Variants in STK11 observed in about 807,000 individuals in gnomAD.
The protein encoded by STK11 is serine/threonine-protein kinase STK11.
In STK11, 8 loss-of-function variants were observed where a neutral mutation model predicts 47.3. The ratio of observed to expected loss-of-function variants is 0.17; its 90% CI spans 0.10 to 0.31. The LOEUF is 0.31. Ranked by LOEUF, STK11 falls within the 10% of genes least tolerant of loss-of-function variation. The probability of loss-of-function intolerance (pLI) is 1.00; values close to 1 mark genes in which losing one functional copy is unlikely to be tolerated. For synonymous variants in STK11, 330 were observed against 255.8 expected (o/e 1.29, Z -2.77); for missense variants, 475 against 605.0 (o/e 0.79, Z 2.25).
At chr19:1,225,282 T>A in intron 8 of STK11, 1 of 985,088 alleles carries the variant, frequency 1.0e-6, no homozygotes, top group South Asian at 4.7e-5. Flanking sequence ...TTATCTTTTT[T>A]TTTTTTTGGA....
chr19:1,206,574 T>A lies in STK11; in HGVS notation c.-340T>A. On this transcript the variant is annotated 5_prime_UTR_variant, in exon 1 of 10. Coordinates refer to ENST00000326873, the MANE Select transcript of STK11 (RefSeq NM_000455.5). ...TAGCACTGAAAAGCCCCGGCCGGCC[T>A]CCCCAGGGTCCCCGAGGACGAAGTT... is the stretch of plus-strand genomic sequence containing the variant. The A allele has an allele frequency of 2.5e-6, 1 of 406,306 alleles. No individual in the cohort carries two copies. Among genetic ancestry groups the A allele is most frequent in the Non-Finnish European group, 4.4e-6 (1 of 224,876 alleles). The allele number at this position is 406,306 out of a possible 1,614,324, so 25.2% of individuals were successfully genotyped here. A position where few individuals can be genotyped will look rare whatever the true frequency, so the allele number is the denominator to read the frequency against.
At chr19:1,226,322 G>T in intron 8 of STK11, 132 bp from the exon 9 acceptor site, 1 of 1,488,344 alleles carries the variant, frequency 6.7e-7, no homozygotes, top group South Asian at 1.3e-5. Flanking sequence ...GGATACACCT[G>T]GGCCTGACCC....
At position 1,225,388 on chromosome 19, in the gene STK11, G is replaced by C. The variant is rs991053387; in HGVS notation, c.1109-1066G>C. ...CCCGGATTCAAGCAATTCTGCCTCA[G>C]CCTCCTGAGTAGCTGGGATTACAAG... is the stretch of plus-strand genomic sequence containing the variant. On this transcript the variant is annotated intron_variant, in intron 8 of 9. Coordinates refer to ENST00000326873, the MANE Select transcript of STK11 (RefSeq NM_000455.5). 3.6e-6 allele frequency: 3 copies of C among 838,838 alleles called. No homozygotes were observed. The African/African-American group carries it at 5.5e-5, about 15-fold the overall frequency. 52.0% of individuals were successfully genotyped at this position (838,838 alleles called of 1,614,324 possible).
rs529293579 is a variant in STK11, at chr19:1,226,810, C to T, written c.*16+147C>T. 5.2e-5 allele frequency: 52 copies of T among 1,000,590 alleles called. No homozygotes were observed. The South Asian group carries it at 6.7e-4, about 13-fold the overall frequency. The allele number at this position is 1,000,590 out of a possible 1,614,324, so 62.0% of individuals were successfully genotyped here. A position where few individuals can be genotyped will look rare whatever the true frequency, so the allele number is the denominator to read the frequency against. ...ATGTGGCCTTTGGGTGGCTTGGCCA[C>T]GTAGCGATCCCCGTGGAGGGTGCCG... On this transcript the variant is annotated intron_variant, in intron 9 of 9. Coordinates refer to ENST00000326873, the MANE Select transcript of STK11 (RefSeq NM_000455.5).
Position 1,226,562 on chromosome 19 carries a change from C to G in STK11, c.1217C>G (p.Ala406Gly), listed in dbSNP as rs748202003. 2.5e-6 allele frequency: 4 copies of G among 1,592,952 alleles called. No homozygotes were observed. Among genetic ancestry groups the G allele is most frequent in the Non-Finnish European group, 2.6e-6 (3 of 1,171,196 alleles). The change falls in exon 9 of 10, where the codon GCG (alanine) becomes GGG (glycine). Residue 406 changes from alanine to glycine, a missense_variant. Transcript: ENST00000326873. Reference protein sequence around the residue: ...EAAQLSTKSRAEGRAPNPARK... With the variant: ...EAAQLSTKSRGEGRAPNPARK... ...GCGCAGCTGAGCACCAAATCCAGGG[C>G]GGAGGGCCGGGCCCCCAACCCTGCC...
chr19:1,226,317 CACCTGGGCCTG>C, intron 8 of STK11, 126 bp from the exon 9 acceptor site: 1 of 1,483,280 alleles, frequency 6.7e-7, no homozygotes, highest in Admixed American at 2.2e-5. Context: ...AGGCTGGATA[CACCTGGGCCTG>C]ACCCGGGGGC....
In STK11 at chr19:1,228,207, G is replaced by A. The variant is rs565456677; in HGVS notation, c.*631G>A. 80 of 955,722 alleles carry A rather than the reference G, an allele frequency of 8.4e-5. No individual in the cohort carries two copies. The African/African-American group carries it at 1.2e-3, about 15-fold the overall frequency. The allele number at this position is 955,722 out of a possible 1,614,324, so 59.2% of individuals were successfully genotyped here. ...CGGGTCACCCTGCTTTGGCGGCCCG[G>A]CCGGAGGGCAGGACCCTCACCTCTC... On this transcript the variant is annotated 3_prime_UTR_variant, in exon 10 of 10. Coordinates refer to ENST00000326873, the MANE Select transcript of STK11 (RefSeq NM_000455.5).
rs876661094 is a variant in STK11, at chr19:1,220,729, G to C, written c.734+12G>C. ...GCTGGGGTCACCCTGTAAGTGCCCC[G>C]CCCCCCCGGGCACTCACCACACGCA... On this transcript the variant is annotated intron_variant, in intron 5 of 9. Transcript: ENST00000326873. 6.2e-7 allele frequency: 1 copy of C among 1,600,734 alleles called. No individual in the cohort carries two copies. Among genetic ancestry groups the C allele is most frequent in the Admixed American group, 1.7e-5 (1 of 59,360 alleles).
intron 2 of STK11, among the ~76,000 whole-genome samples, chr19:1,218,949 C>G (rs919195652): frequency 1.3e-5 from 2 of 151,984 alleles, no homozygotes; most frequent in African/African-American, 4.8e-5. Context: ...CAGAAGTGGT[C>G]CTGAGGCTGG....
At chr19:1,225,238 G>A in intron 8 of STK11, 1 of 985,444 alleles carries the variant, frequency 1.0e-6, no homozygotes, top group African/African-American at 1.7e-5. Context: ...TCAGACCTAT[G>A]GGTGCAATTG....
At chr19:1,209,728 C>G (rs2080696549) in intron 1 of STK11, among the ~76,000 whole-genome samples, 1 of 151,982 alleles carries the variant, frequency 6.6e-6, no homozygotes, top group African/African-American at 2.4e-5. Flanking sequence ...CTTTCCTGAA[C>G]AGTCAGTGGA....
In STK11 at chr19:1,221,361, C is replaced by T. The variant is rs1205337831; in HGVS notation, c.862+21C>T. 5 of 1,592,746 alleles carry T rather than the reference C, an allele frequency of 3.1e-6. No individual in the cohort carries two copies. The African/African-American group carries it at 6.7e-5, about 21-fold the overall frequency. ...GAAAGGTGGGAGCCTCATCCCTCTG[C>T]CCGCAGCCCCAGGGAGGCGGGGCTT... On this transcript the variant is annotated intron_variant, in intron 6 of 9. Transcript: ENST00000326873.
rs906480871 is a variant in STK11, at chr19:1,218,596, T to C, written c.374+96T>C. The C allele has an allele frequency of 3.7e-6, 4 of 1,077,172 alleles. No homozygotes were observed. In the African/African-American group the frequency reaches 4.7e-5, roughly 13 times the overall value. 66.7% of individuals were successfully genotyped at this position (1,077,172 alleles called of 1,614,324 possible). A position where few individuals can be genotyped will look rare whatever the true frequency, so the allele number is the denominator to read the frequency against. ...AGGCCTGCTCCTCTTCCCGTCTCCT[T>C]GAAGGAGACTGGCACACGAGGGCCG... On this transcript the variant is annotated intron_variant, in intron 2 of 9. Transcript: ENST00000326873.
Position 1,223,190 on chromosome 19 carries a change from C to G in STK11, c.1108+18C>G, listed in dbSNP as rs1160511142. The stretch of plus-strand genomic sequence containing the variant: ...GGTGCCCGGTGAGTCTGGCGGGGGC[C>G]CCTGCCCGGCTCTGCTGACTCGGCC... On this transcript the variant is annotated intron_variant, in intron 8 of 9. Transcript: ENST00000326873. The G allele has an allele frequency of 3.1e-6, 5 of 1,601,920 alleles. No individual in the cohort carries two copies. Among genetic ancestry groups the G allele is most frequent in the Non-Finnish European group, 4.3e-6 (5 of 1,176,128 alleles).
chr19:1,218,928 A>G (rs1473800376), intron 2 of STK11, among the ~76,000 whole-genome samples: 2 of 152,104 alleles, frequency 1.3e-5, no homozygotes, highest in Non-Finnish European at 2.9e-5. Flanking sequence ...CCCTGTGCCC[A>G]GAGCAAGAGC....
At position 1,218,476 on chromosome 19, in the gene STK11, T is replaced by C. The variant is rs1296728798; in HGVS notation, c.350T>C (p.Leu117Ser). The part of the protein sequence containing the change: ...HKNVIQLVDV[L>S]YNEEKQKMYM... ...AATGTCATCCAGCTGGTGGATGTGT[T>C]ATACAACGAAGAGAAGCAGAAAATA... is the stretch of plus-strand genomic sequence containing the variant. Residue 117 changes from leucine to serine, a missense_variant, in exon 2 of 10, where the codon TTA (leucine) becomes TCA (serine). Physicochemically the swap from Leu to Ser is moderately radical, Grantham distance 145 (BLOSUM62 -2). Transcript: ENST00000326873. The C allele has an allele frequency of 6.2e-7, 1 of 1,613,526 alleles. No individual in the cohort carries two copies. Among genetic ancestry groups the C allele is most frequent in the South Asian group, 1.1e-5 (1 of 91,088 alleles).
Position 1,221,200 on chromosome 19 carries a change from C to G in STK11, c.735-13C>G, listed in dbSNP as rs1180463550. The G allele has an allele frequency of 2.5e-6, 4 of 1,611,318 alleles. No homozygotes were observed. Among genetic ancestry groups the G allele is most frequent in the Non-Finnish European group, 2.5e-6 (3 of 1,178,766 alleles). On this transcript the variant is annotated splice_polypyrimidine_tract_variant and intron_variant, in intron 5 of 9. Transcript: ENST00000326873. Reference sequence around the variant, plus strand: ...GACTGACCACGCCTTTCTTCCCTCCCCTCGAAATGAAGCTACAACATCACC... The same window carrying G: ...GACTGACCACGCCTTTCTTCCCTCCGCTCGAAATGAAGCTACAACATCACC...
rs2080841091 is a variant in STK11 at position 1,228,103 on chromosome 19, C to T, written c.*527C>T. 9.5e-6 allele frequency: 10 copies of T among 1,051,116 alleles called. No individual in the cohort carries two copies. The highest frequency in any genetic ancestry group is 9.2e-6 in the Non-Finnish European group (8 of 870,390). The allele number at this position is 1,051,116 out of a possible 1,614,324, so 65.1% of individuals were successfully genotyped here. ...AATAAAAGGTGGATTTGAGCTGTGG[C>T]TGTGAGGGGTGTTTGGGAGCTGCTG... On this transcript the variant is annotated 3_prime_UTR_variant, in exon 10 of 10. Coordinates refer to ENST00000326873, the MANE Select transcript of STK11 (RefSeq NM_000455.5).
rs1555738692 is a variant in STK11 at position 1,221,307 on chromosome 19, G to A, written c.829G>A (p.Asp277Asn). Residue 277 changes from aspartate (D) to asparagine (N), a missense_variant, in exon 6 of 10, where the codon GAC (aspartate) becomes AAC (asparagine). Physicochemically the swap from Asp to Asn is conservative, Grantham distance 23. Around this residue, in one of 5 missense-constraint regions of STK11, gnomAD observed 130 missense variants for 239.7 expected, o/e 0.54. Transcript: ENST00000326873. Reference sequence around the variant, plus strand: ...GAAGGGGAGCTACGCCATCCCGGGCGACTGTGGCCCCCCGCTCTCTGACCT... The same window carrying A: ...GAAGGGGAGCTACGCCATCCCGGGCAACTGTGGCCCCCCGCTCTCTGACCT... Reference protein sequence around the residue: ...IGKGSYAIPGDCGPPLSDLLK... With the variant: ...IGKGSYAIPGNCGPPLSDLLK... The A allele has an allele frequency of 2.5e-6, 4 of 1,610,564 alleles. No individual in the cohort carries two copies. The highest frequency in any genetic ancestry group is 3.4e-6 in the Non-Finnish European group (4 of 1,178,776).
Sources: allele counts gnomAD v4.1 joint callset (sites outside exome capture counted in the v4.1 genomes callset), GRCh38; gene constraint gnomAD v4.1.1; regional missense constraint gnomAD v4.1.1; transcripts MANE v1.5; gene names NCBI Gene and HGNC (gene_info 2026-07-23, HGNC 2026-07-21).